NCKAP5: variants seen among roughly 807,000 people sequenced by gnomAD.
The protein encoded by NCKAP5 is nck-associated protein 5.
NCKAP5 carries 92 observed loss-of-function variants against 167.0 expected under a neutral mutation model. The observed-to-expected ratio is 0.55, with a 90% CI of 0.47 to 0.66. NCKAP5 has a LOEUF of 0.66. NCKAP5 is among the 30% of genes least tolerant of loss of function. The probability of loss-of-function intolerance (pLI) is 0.00; values close to 1 mark genes in which losing one functional copy is unlikely to be tolerated. For missense variants in NCKAP5, 2,378 were observed against 2,315.0 expected (o/e 1.03, Z -0.56); for synonymous variants, 891 against 877.4 (o/e 1.02, Z -0.27).
At chr2:133,274,929 A>G (rs1260983572) in intron 4 of NCKAP5, among the ~76,000 whole-genome samples, 1 of 151,962 alleles carries the variant, frequency 6.6e-6, no homozygotes, top group East Asian at 1.9e-4. Context: ...ATAATGAAGC[A>G]CTTTACTGTA....
At chr2:133,026,057 T>C (rs2078685000) in intron 6 of NCKAP5, among the ~76,000 whole-genome samples, 1 of 152,214 alleles carries the variant, frequency 6.6e-6, no homozygotes, top group Non-Finnish European at 1.5e-5. Context: ...TGTGAGATGG[T>C]ATCTCATTGT....
intron 8 of NCKAP5, among the ~76,000 whole-genome samples, chr2:132,915,394 C>G (rs769461508): frequency 6.6e-6 from 1 of 152,040 alleles, no homozygotes; most frequent in Non-Finnish European, 1.5e-5. Flanking sequence ...AACTGCTGCT[C>G]TAGTCACCAA....
the NCKAP5 span, among the ~76,000 whole-genome samples, chr2:133,628,937 C>T: frequency 6.2e-3 from 947 of 152,144 alleles, 13 homozygotes; most frequent in African/African-American, 0.022. Context: ...TAGCCATATT[C>T]GGAAGATTGA....
At chr2:133,109,859 A>G (rs1023653118) in intron 6 of NCKAP5, among the ~76,000 whole-genome samples, 1 of 152,228 alleles carries the variant, frequency 6.6e-6, no homozygotes, top group Non-Finnish European at 1.5e-5. Flanking sequence ...AATAATGGCA[A>G]CATAAATTCA....
the NCKAP5 span, among the ~76,000 whole-genome samples, chr2:133,643,015 T>C: frequency 6.6e-6 from 1 of 152,168 alleles, no homozygotes; most frequent in Admixed American, 6.5e-5. Flanking sequence ...TTTTTTTTTT[T>C]CTTTATGGAA....
chr2:132,819,124 G>C (rs1686511916), intron 11 of NCKAP5, among the ~76,000 whole-genome samples: 2 of 152,076 alleles, frequency 1.3e-5, no homozygotes, highest in South Asian at 4.1e-4. Flanking sequence ...TTAAAAATTG[G>C]TTATGAACCT....
At chr2:133,161,751 A>G (rs971380214) in intron 5 of NCKAP5, among the ~76,000 whole-genome samples, 1 of 152,244 alleles carries the variant, frequency 6.6e-6, no homozygotes, top group Non-Finnish European at 1.5e-5. Flanking sequence ...ACTGAGATTC[A>G]CGTTTCAAAG....
At chr2:133,499,471 C>A (rs1198728796) in intron 3 of NCKAP5, among the ~76,000 whole-genome samples, 1 of 152,206 alleles carries the variant, frequency 6.6e-6, no homozygotes, top group Non-Finnish European at 1.5e-5. Context: ...CATCTTCTTG[C>A]CACCTCATCA....
chr2:133,260,644 C>T (rs961667642), intron 4 of NCKAP5, among the ~76,000 whole-genome samples: 18 of 152,102 alleles, frequency 1.2e-4, no homozygotes, highest in African/African-American at 3.4e-4. Flanking sequence ...AACAGTGGAG[C>T]GAGTGACAGC....
intron 6 of NCKAP5, among the ~76,000 whole-genome samples, chr2:133,006,338 A>T (rs1021492331): frequency 1.3e-5 from 2 of 152,198 alleles, no homozygotes; most frequent in Admixed American, 6.5e-5. Flanking sequence ...TGCTTTTAAA[A>T]GTTTGAATCT....
the NCKAP5 span, among the ~76,000 whole-genome samples, chr2:133,647,669 GGAAA>G: frequency 4.3e-5 from 4 of 93,902 alleles, no homozygotes; most frequent in East Asian, 1.3e-3. Context: ...GAGAGAGAGA[GGAAA>G]GAAAGGAAGG....
the NCKAP5 span, among the ~76,000 whole-genome samples, chr2:133,611,947 C>T: frequency 4.6e-5 from 7 of 152,120 alleles, no homozygotes; most frequent in Non-Finnish European, 4.4e-5. Flanking sequence ...ATTTCAGCTT[C>T]GACATTTCAA....
At chr2:133,547,465 C>T (rs1288073504) in intron 2 of NCKAP5, among the ~76,000 whole-genome samples, 1 of 152,120 alleles carries the variant, frequency 6.6e-6, no homozygotes, top group Non-Finnish European at 1.5e-5. Context: ...CCTCTGCAGA[C>T]TTAAGTGTCC....
At chr2:132,816,281 A>G (rs1445656224) in intron 11 of NCKAP5, among the ~76,000 whole-genome samples, 1 of 151,990 alleles carries the variant, frequency 6.6e-6, no homozygotes, top group African/African-American at 2.4e-5. Context: ...GCAGCAAGCT[A>G]AAAAAAGTGC....
chr2:133,306,146 G>A (rs531700724), intron 3 of NCKAP5, among the ~76,000 whole-genome samples: 2 of 152,364 alleles, frequency 1.3e-5, no homozygotes, highest in African/African-American at 2.4e-5. Context: ...ATGGAGGGTG[G>A]TAGCATTGGG....
At chr2:132,887,214 T>A (rs1452511810) in intron 8 of NCKAP5, among the ~76,000 whole-genome samples, 1 of 152,208 alleles carries the variant, frequency 6.6e-6, no homozygotes, top group African/African-American at 2.4e-5. Flanking sequence ...ATTGGTAATT[T>A]TTTTTTGACT....
chr2:133,339,192 C>CGA (rs1683412730), intron 3 of NCKAP5, among the ~76,000 whole-genome samples: 1 of 151,844 alleles, frequency 6.6e-6, no homozygotes, highest in Admixed American at 6.6e-5. Flanking sequence ...TGTCTCTTAG[C>CGA]AATAGAGAGA....
chr2:133,324,867 C>G lies in NCKAP5; in HGVS notation c.70-21757G>C, dbSNP rs373469235. On this transcript the variant is annotated intron_variant, in intron 3 of 19. Transcript: ENST00000409261. ...CCCAAGTATCTGGGATTACAGGCACCCAGATAATTTTTGTATTTGTAGTAG... is the reference window on the plus strand; with the variant it reads ...CCCAAGTATCTGGGATTACAGGCACGCAGATAATTTTTGTATTTGTAGTAG... Among the ~76,000 whole-genome samples, 109 of 152,014 alleles carry G rather than the reference C, an allele frequency of 7.2e-4. 1 individual carries two copies. Among genetic ancestry groups the G allele is most frequent in the African/African-American group, 2.6e-3 (107 of 41,490 alleles).
intron 3 of NCKAP5, among the ~76,000 whole-genome samples, chr2:133,308,914 G>T (rs1681023547): frequency 1.3e-5 from 2 of 148,370 alleles, no homozygotes; most frequent in African/African-American, 5.0e-5. Flanking sequence ...GTTTCACCTT[G>T]TTAGCCAGGA....
Sources: gnomAD v4.1 joint callset for allele counts (sites outside exome capture counted in the v4.1 genomes callset) on GRCh38, gnomAD v4.1.1 for gene constraint, MANE v1.5 for transcripts, NCBI Gene and HGNC (gene_info 2026-07-23, HGNC 2026-07-21) for gene names.